The following TEP1 variants were observed in gnomAD, a reference collection of about 807,000 sequenced individuals.
TEP1 encodes telomerase associated protein 1.
TEP1 carries 241 observed loss-of-function variants against 306.3 expected under a neutral mutation model. The observed-to-expected ratio is 0.79, with a 90% CI of 0.71 to 0.88. The LOEUF (loss-of-function observed/expected upper bound fraction) is 0.88. Ranked by LOEUF, TEP1 falls within the 40% of genes least tolerant of loss-of-function variation. TEP1 has a pLI of 0.00. For synonymous variants in TEP1, 1,289 were observed against 1,305.5 expected (o/e 0.99, Z 0.27); for missense variants, 3,051 against 3,276.1 (o/e 0.93, Z 1.68).
rs555193519 is a variant in TEP1 at position 20,376,163 on chromosome 14, C to A, written c.6190G>T (p.Val2064Leu). 6.2e-7 allele frequency: 1 copy of A among 1,614,240 alleles called. No individual in the cohort carries two copies. Among genetic ancestry groups the A allele is most frequent in the Admixed American group, 1.7e-5 (1 of 60,036 alleles). The change falls in exon 42 of 55, where the codon GTG becomes TTG. Residue 2064 changes from valine (V) to leucine (L), a missense_variant. Coordinates refer to ENST00000262715, the MANE Select transcript of TEP1 (RefSeq NM_007110.5). ...GTELRGHEGP[V>L]SCCSFSTDGG... ...TCAGTGCTGAAACTACAGCAGCTCA[C>A]AGGGCCCTCATGTCCCCGCAGCTCA...
intron 7 of TEP1, among the ~76,000 whole-genome samples, chr14:20,402,040 C>G (rs116204233): frequency 6.6e-6 from 1 of 152,084 alleles, no homozygotes; most frequent in Admixed American, 6.5e-5. Flanking sequence ...CTTTGGGAGG[C>G]CAAGGCAGGT....
intron 1 of TEP1, among the ~76,000 whole-genome samples, chr14:20,413,078 C>T (rs932398716): frequency 6.6e-6 from 1 of 152,190 alleles, no homozygotes; most frequent in African/African-American, 2.4e-5. Context: ...TGTCCCCTTT[C>T]GATGGGCACA....
intron 1 of TEP1, among the ~76,000 whole-genome samples, chr14:20,409,778 T>C (rs906478214): frequency 2.0e-5 from 3 of 152,052 alleles, no homozygotes; most frequent in African/African-American, 4.8e-5. Context: ...CCCAGCACTT[T>C]GGGAGGCCGA....
chr14:20,401,657 G>A (rs1878766226), intron 7 of TEP1, 76 bp from the exon 8 acceptor site: 5 of 1,578,518 alleles, frequency 3.2e-6, no homozygotes, highest in African/African-American at 1.4e-5. Context: ...AAAGCAGATT[G>A]TAAGACCATC....
At chr14:20,372,394 G>A (rs1160211757) in intron 49 of TEP1, among the ~76,000 whole-genome samples, 3 of 134,820 alleles carry the variant, frequency 2.2e-5, no homozygotes, top group African/African-American at 7.9e-5. Flanking sequence ...GTGTGTGTGT[G>A]TGTGTGTGTG....
Position 20,369,656 on chromosome 14 carries a change from C to T in TEP1, c.7423+18G>A. On this transcript the variant is annotated intron_variant, in intron 52 of 54. Transcript: ENST00000262715. ...TGGGCCATCTCCCGGCTCCTCAGGT[C>T]CTCCTGTTACCACTCACCAGATTCA... is the stretch of plus-strand genomic sequence containing the variant. 1 of 1,613,368 alleles carries T rather than the reference C, an allele frequency of 6.2e-7. No individual in the cohort carries two copies. Among genetic ancestry groups the T allele is most frequent in the East Asian group, 2.2e-5 (1 of 44,866 alleles).
chr14:20,377,832 C>A, intron 39 of TEP1, 79 bp from the exon 40 acceptor site: 1 of 1,561,780 alleles, frequency 6.4e-7, no homozygotes, highest in African/African-American at 1.4e-5. Flanking sequence ...CAGCCACCCC[C>A]ATTAAAGTCC....
chr14:20,386,938 CTT>C (rs879342544), intron 18 of TEP1, among the ~76,000 whole-genome samples: 2 of 145,866 alleles, frequency 1.4e-5, no homozygotes, highest in Non-Finnish European at 1.5e-5. Flanking sequence ...GAAACGATAA[CTT>C]TTTTTTTTTT....
chr14:20,369,536 C>T lies in TEP1; in HGVS notation c.7464G>A (p.Trp2488Ter). The change falls in exon 53 of 55, where the codon TGG becomes TGA. Residue 2488 changes from tryptophan (W) to a stop codon, truncating the protein, a stop_gained. Transcript: ENST00000262715. LOFTEE classifies it high-confidence loss of function. ...FLCASSDGIL[W>*]NLAKCSPEGE... ...CTTCTGGGCTGCATTTGGCCAGGTT[C>T]CATAGGATCCCATCAGAGCTGGCAC... The T allele has an allele frequency of 6.2e-7, 1 of 1,614,066 alleles. No homozygotes were observed. Among genetic ancestry groups the T allele is most frequent in the Non-Finnish European group, 8.5e-7 (1 of 1,180,018 alleles).
intron 9 of TEP1, among the ~76,000 whole-genome samples, chr14:20,398,339 T>C (rs961019054): frequency 1.1e-4 from 16 of 148,914 alleles, no homozygotes; most frequent in Non-Finnish European, 3.0e-5. Flanking sequence ...GGTCGCGCCA[T>C]TGCACTCCAG....
chr14:20,388,534 G>A lies in TEP1; in HGVS notation c.2526-471C>T, dbSNP rs550224469. 3.9e-5 allele frequency among the ~76,000 whole-genome samples: 6 copies of A among 152,298 alleles called. No homozygotes were observed. In the South Asian group the frequency reaches 6.2e-4, roughly 16 times the overall value. On this transcript the variant is annotated intron_variant, in intron 17 of 54. Coordinates refer to ENST00000262715, the MANE Select transcript of TEP1 (RefSeq NM_007110.5). ...GGATGGAGAGACAGATAAAAAAAAC[G>A]TGAAAAGATTTCTGTAATTTTAGCT...
chr14:20,379,869 C>T lies in TEP1; in HGVS notation c.5127+61G>A. On this transcript the variant is annotated intron_variant, in intron 35 of 54. Transcript: ENST00000262715. ...ACAGGTGTGTTTGGCTCATCTAGGG[C>T]TTCAGGGCAGTCTGCATGGATTTTC... 1.9e-6 allele frequency: 3 copies of T among 1,559,006 alleles called. No individual in the cohort carries two copies. The East Asian group carries it at 6.7e-5, about 35-fold the overall frequency.
At chr14:20,385,809 G>C (rs1877094718) in intron 20 of TEP1, among the ~76,000 whole-genome samples, 1 of 152,192 alleles carries the variant, frequency 6.6e-6, no homozygotes, top group African/African-American at 2.4e-5. Context: ...ACAGAAGGGA[G>C]ATCAGTACCC....
intron 1 of TEP1, among the ~76,000 whole-genome samples, chr14:20,409,185 T>A (rs1313041990): frequency 6.6e-6 from 1 of 152,190 alleles, no homozygotes; most frequent in African/African-American, 2.4e-5. Context: ...ATTTCACCCC[T>A]CAAGTAGAAT....
intron 12 of TEP1, among the ~76,000 whole-genome samples, chr14:20,393,172 GT>G (rs1419977391): frequency 6.6e-6 from 1 of 151,622 alleles, no homozygotes; most frequent in Non-Finnish European, 1.5e-5. Flanking sequence ...AGCCGAGATT[GT>G]GCCACTGCAC....
At position 20,391,759 on chromosome 14, in the gene TEP1, T is replaced by G. The variant is rs1056707967; in HGVS notation, c.1937A>C (p.Lys646Thr). Residue 646 changes from lysine to threonine, a missense_variant, in exon 13 of 55, where the codon AAA becomes ACA. Lys to Thr is a moderately conservative substitution (Grantham distance 78). Transcript: ENST00000262715. Reference protein sequence around the residue: ...KLRVHKARQWKYDGEMLNRYR... With the variant: ...KLRVHKARQWTYDGEMLNRYR... ...CCTGTTCAGCATCTCACCATCATAT[T>G]TCCACTGTCTACATGCAAGAAAGAC... 1.9e-6 allele frequency: 3 copies of G among 1,614,084 alleles called. No homozygotes were observed. Among genetic ancestry groups the G allele is most frequent in the Non-Finnish European group, 2.5e-6 (3 of 1,179,964 alleles).
chr14:20,378,156 G>C lies in TEP1; in HGVS notation c.5589C>G (p.Asp1863Glu), dbSNP rs755204312. 4 of 1,613,778 alleles carry C rather than the reference G, an allele frequency of 2.5e-6. No homozygotes were observed. Among genetic ancestry groups the C allele is most frequent in the African/African-American group, 1.3e-5 (1 of 74,912 alleles). Residue 1863 changes from aspartate to glutamate, a missense_variant, in exon 39 of 55, where the codon GAC becomes GAG. Physicochemically the swap from Asp to Glu is conservative, Grantham distance 45. This residue lies in a region of TEP1 where 1,540 missense variants were observed against 1,705.9 expected (regional missense o/e 0.90). Coordinates refer to ENST00000262715, the MANE Select transcript of TEP1 (RefSeq NM_007110.5). ...PGGVVAVGRL[D>E]SMVELWAWRE... ...GCCAGGCCCACAGCTCCACCATACTGTCCAGCCGGCCCACAGCCACAACCC... is the reference window on the plus strand; with the variant it reads ...GCCAGGCCCACAGCTCCACCATACTCTCCAGCCGGCCCACAGCCACAACCC...
At position 20,379,057 on chromosome 14, in the gene TEP1, A is replaced by C; in HGVS notation, c.5176T>G (p.Phe1726Val). 6.2e-7 allele frequency: 1 copy of C among 1,614,218 alleles called. No individual in the cohort carries two copies. The change falls in exon 36 of 55, where the codon TTC becomes GTC. Residue 1726 changes from phenylalanine (F) to valine (V), a missense_variant. Around this residue, in one of 3 missense-constraint regions of TEP1, gnomAD observed 1,540 missense variants for 1,705.9 expected, o/e 0.90. Coordinates refer to ENST00000262715, the MANE Select transcript of TEP1 (RefSeq NM_007110.5). Reference protein sequence around the residue: ...SGCDGISACLFLSDDTLFLTA... With the variant: ...SGCDGISACLVLSDDTLFLTA... ...AGAAAGAGTGTATCATCGGAGAGGA[A>C]CAAACAAGCAGAGATTCCATCACAG...
chr14:20,372,380 A>ATGTGTGTGTG lies in TEP1; in HGVS notation c.7076+343_7076+352dup, dbSNP rs59329010. ...CAGGAATATGTGTGTGTGTGTGTGT[A>ATGTGTGTGTG]TGTGTGTGTGTGTGTGTGTGTGTGT... On this transcript the variant is annotated intron_variant, in intron 49 of 54. Transcript: ENST00000262715. 5.4e-3 allele frequency among the ~76,000 whole-genome samples: 761 copies of ATGTGTGTGTG among 139,640 alleles called. 4 individuals carry two copies. Among genetic ancestry groups the ATGTGTGTGTG allele is most frequent in the Admixed American group, 7.6e-3 (106 of 13,920 alleles). The allele number at this position is 139,640 out of a possible 152,430, so 91.6% of individuals were successfully genotyped here. A position where few individuals can be genotyped will look rare whatever the true frequency, so the allele number is the denominator to read the frequency against.
Sources: allele counts gnomAD v4.1 joint callset (sites outside exome capture counted in the v4.1 genomes callset), GRCh38; gene constraint gnomAD v4.1.1; regional missense constraint gnomAD v4.1.1; transcripts MANE v1.5; gene names NCBI Gene and HGNC (gene_info 2026-07-23, HGNC 2026-07-21).